Variants in ST3GAL3 observed in about 807,000 individuals in gnomAD.
ST3GAL3 encodes the protein CMP-N-acetylneuraminate-beta-1,4-galactoside alpha-2,3-sialyltransferase.
A neutral mutation model predicts 50.1 loss-of-function variants in ST3GAL3; 21 were observed. The observed-to-expected ratio is 0.42, with a 90% CI of 0.30 to 0.60. The LOEUF (loss-of-function observed/expected upper bound fraction) is 0.60. ST3GAL3 is among the 20% of genes least tolerant of loss of function. ST3GAL3 has a pLI of 0.19. For missense variants in ST3GAL3, 353 were observed against 489.4 expected (o/e 0.72, Z 2.63); for synonymous variants, 183 against 190.0 (o/e 0.96, Z 0.30).
intron 2 of ST3GAL3, among the ~76,000 whole-genome samples, chr1:43,785,648 A>G (rs2057220383): frequency 6.6e-6 from 1 of 152,120 alleles, no homozygotes; most frequent in Non-Finnish European, 1.5e-5. Context: ...ATGCTCTGCC[A>G]CTAATGTGGG....
intron 4 of ST3GAL3, among the ~76,000 whole-genome samples, chr1:43,821,450 G>A (rs1318201962): frequency 7.9e-5 from 12 of 152,114 alleles, no homozygotes; most frequent in African/African-American, 1.9e-4. Context: ...AACATTCACC[G>A]AAGAGTTTGA....
rs1678837797 is a variant in ST3GAL3, at chr1:43,737,089, G to C, written c.118+709G>C. On this transcript the variant is annotated intron_variant, in intron 2 of 11. Transcript: ENST00000347631. The surrounding 1 kb of genome is among the most constrained non-coding windows in gnomAD (Gnocchi z 4.0). ...TGATCAGCACCAGCCTTTGCACATTGTTTTCTTGGCTGTAGCTTGAAATAT... is the reference window on the plus strand; with the variant it reads ...TGATCAGCACCAGCCTTTGCACATTCTTTTCTTGGCTGTAGCTTGAAATAT... 1 of 151,132 alleles carries C rather than the reference G, an allele frequency of 6.6e-6. No homozygotes were observed. The highest frequency in any genetic ancestry group is 2.5e-5 in the African/African-American group (1 of 39,834). 9.4% of individuals were successfully genotyped at this position (151,132 alleles called of 1,614,324 possible).
chr1:43,744,022 C>T (rs537941113), intron 2 of ST3GAL3, among the ~76,000 whole-genome samples: 2 of 152,134 alleles, frequency 1.3e-5, no homozygotes, highest in African/African-American at 4.8e-5. Flanking sequence ...GCATGCTTAT[C>T]TTTATATTCC....
chr1:43,789,526 G>T (rs1244602444), intron 2 of ST3GAL3, among the ~76,000 whole-genome samples: 1 of 152,130 alleles, frequency 6.6e-6, no homozygotes, highest in African/African-American at 2.4e-5. Flanking sequence ...GCAGGGGTTG[G>T]AGGAGTCAGT....
chr1:43,876,255 C>T (rs59574529), intron 5 of ST3GAL3, among the ~76,000 whole-genome samples: 6,450 of 152,192 alleles, frequency 0.042, 455 homozygotes, highest in African/African-American at 0.15. Flanking sequence ...TGAGCCACTG[C>T]GCCCAGCTTA....
chr1:43,837,055 A>C (rs778536263), intron 4 of ST3GAL3, among the ~76,000 whole-genome samples: 1 of 152,150 alleles, frequency 6.6e-6, no homozygotes, highest in Non-Finnish European at 1.5e-5. Flanking sequence ...CTTTGTGCCC[A>C]TTTATGCAAG....
chr1:43,763,090 A>G (rs995146683), intron 2 of ST3GAL3, among the ~76,000 whole-genome samples: 1 of 152,216 alleles, frequency 6.6e-6, no homozygotes, highest in Non-Finnish European at 1.5e-5. Flanking sequence ...CCATCGCAGC[A>G]CTTTGTTTAT....
chr1:43,748,874 T>TA (rs55722803), intron 2 of ST3GAL3, among the ~76,000 whole-genome samples: 104,792 of 151,814 alleles, frequency 0.69, 36,523 homozygotes, highest in Non-Finnish European at 0.73. Flanking sequence ...TCAGCAGGCT[T>TA]AAAAAAAGAA....
intron 5 of ST3GAL3, among the ~76,000 whole-genome samples, chr1:43,849,125 G>C (rs557831999): frequency 6.6e-6 from 1 of 152,174 alleles, no homozygotes; most frequent in African/African-American, 2.4e-5. Context: ...AGTAGTTGAT[G>C]ATGGTGCCAT....
intron 5 of ST3GAL3, among the ~76,000 whole-genome samples, chr1:43,884,431 A>G (rs1362810053): frequency 6.6e-6 from 1 of 152,216 alleles, no homozygotes; most frequent in African/African-American, 2.4e-5. Context: ...GCATTTAGAA[A>G]GTGTTCGCAT....
At chr1:43,759,877 G>A (rs1368640305) in intron 2 of ST3GAL3, among the ~76,000 whole-genome samples, 4 of 152,134 alleles carry the variant, frequency 2.6e-5, no homozygotes, top group Admixed American at 1.3e-4. Flanking sequence ...ACTCAAAAAC[G>A]AATGTCTACT....
At chr1:43,801,279 C>T (rs922999938) in intron 3 of ST3GAL3, 7 of 456,202 alleles carry the variant, frequency 1.5e-5, no homozygotes, top group Non-Finnish European at 2.6e-5. Context: ...TTCTTTGTGC[C>T]AGGTACAGTG....
intron 2 of ST3GAL3, among the ~76,000 whole-genome samples, chr1:43,777,139 ACAT>A (rs1473540049): frequency 6.6e-6 from 1 of 152,182 alleles, no homozygotes; most frequent in African/African-American, 2.4e-5. Context: ...CAAATCCCAG[ACAT>A]CATGTCATTT....
chr1:43,859,248 T>C (rs1408274745), intron 5 of ST3GAL3, among the ~76,000 whole-genome samples: 1 of 152,174 alleles, frequency 6.6e-6, no homozygotes, highest in Non-Finnish European at 1.5e-5. Flanking sequence ...TGTGTTGGGA[T>C]AGACCCATCC....
At chr1:43,900,578 G>A (rs3791101) in intron 9 of ST3GAL3, among the ~76,000 whole-genome samples, 31,727 of 152,170 alleles carry the variant, frequency 0.21, 4,313 homozygotes, top group Non-Finnish European at 0.3. Flanking sequence ...CAGAGCTCAG[G>A]CCATTCATCT....
intron 5 of ST3GAL3, among the ~76,000 whole-genome samples, chr1:43,865,202 T>C (rs2071032596): frequency 6.6e-6 from 1 of 151,990 alleles, no homozygotes; most frequent in Non-Finnish European, 1.5e-5. Flanking sequence ...GTATTTTTAA[T>C]AGAGACGGGG....
intron 5 of ST3GAL3, chr1:43,839,496 C>T (rs575172062): frequency 6.6e-6 from 1 of 152,128 alleles, no homozygotes; most frequent in African/African-American, 2.4e-5. Flanking sequence ...GAAAGTAATA[C>T]AGGCATGTGG....
intron 5 of ST3GAL3, among the ~76,000 whole-genome samples, chr1:43,869,154 A>G (rs1459255874): frequency 2.0e-5 from 3 of 152,190 alleles, no homozygotes; most frequent in African/African-American, 4.8e-5. Context: ...CCCACTTCCA[A>G]TAGCTGGAAG....
chr1:43,817,782 T>TCTTCTCCTCCTCCTTCTCCTCCTC lies in ST3GAL3; in HGVS notation c.209+2868_209+2891dup, dbSNP rs1237651325. On this transcript the variant is annotated intron_variant, in intron 4 of 11. Transcript: ENST00000347631. ...TTCTTCCTCTTCTTCTTCTCCTCCT[T>TCTTCTCCTCCTCCTTCTCCTCCTC]CTTCTCCTCCTCCTTCTCCTCCTCC... Among the ~76,000 whole-genome samples the TCTTCTCCTCCTCCTTCTCCTCCTC allele has an allele frequency of 5.5e-4, 49 of 88,388 alleles. 1 individual carries two copies. The highest frequency in any genetic ancestry group is 7.8e-4 in the Non-Finnish European group (35 of 45,056). 58.0% of individuals were successfully genotyped at this position (88,388 alleles called of 152,430 possible).
Sources: gnomAD v4.1 joint callset for allele counts (sites outside exome capture counted in the v4.1 genomes callset) on GRCh38, gnomAD v4.1.1 for gene constraint, Gnocchi (gnomAD v3.1) non-coding constraint, MANE v1.5 for transcripts, NCBI Gene and HGNC (gene_info 2026-07-23, HGNC 2026-07-21) for gene names.